The following PTPN13 variants were observed in gnomAD, a reference collection of about 807,000 sequenced individuals.
PTPN13 encodes tyrosine-protein phosphatase non-receptor type 13.
PTPN13 carries 191 observed loss-of-function variants against 284.0 expected under a neutral mutation model. That is an observed-to-expected ratio of 0.67 (90% CI 0.60 to 0.76). PTPN13 has a LOEUF of 0.76. Ranked by LOEUF, PTPN13 falls within the 30% of genes least tolerant of loss-of-function variation. The pLI is 0.00. For synonymous variants in PTPN13, 986 were observed against 1,022.3 expected (o/e 0.96, Z 0.68); for missense variants, 2,797 against 2,939.9 (o/e 0.95, Z 1.12).
At chr4:86,768,028 C>T in intron 28 of PTPN13, 52 bp downstream of exon 28, 1 of 1,530,066 alleles carries the variant, frequency 6.5e-7, no homozygotes. Flanking sequence ...CTCGCCTATT[C>T]AAAATTTGAT....
At chr4:86,623,039 T>C (rs1478516418) in intron 1 of PTPN13, among the ~76,000 whole-genome samples, 1 of 152,126 alleles carries the variant, frequency 6.6e-6, no homozygotes, top group Non-Finnish European at 1.5e-5. Flanking sequence ...CTTCAAGATA[T>C]TTCCAGAATC....
intron 1 of PTPN13, among the ~76,000 whole-genome samples, chr4:86,598,508 GTATT>G (rs1280508899): frequency 1.3e-5 from 2 of 150,978 alleles, no homozygotes; most frequent in African/African-American, 4.9e-5. Context: ...CAAGCTGACA[GTATT>G]TAGTTTGCTT....
At chr4:86,801,695 G>A (rs1250291139) in intron 42 of PTPN13, among the ~76,000 whole-genome samples, 1 of 151,960 alleles carries the variant, frequency 6.6e-6, no homozygotes, top group Admixed American at 6.6e-5. Context: ...GTTATGAGTT[G>A]GTTATTCAGG....
intron 1 of PTPN13, among the ~76,000 whole-genome samples, chr4:86,628,517 T>C (rs1296922757): frequency 6.7e-6 from 1 of 150,286 alleles, no homozygotes; most frequent in Non-Finnish European, 1.5e-5. Context: ...TTTTTTTTAT[T>C]ATACTCTAAG....
chr4:86,627,371 C>T (rs1201007624), intron 1 of PTPN13, among the ~76,000 whole-genome samples: 1 of 151,974 alleles, frequency 6.6e-6, no homozygotes, highest in East Asian at 1.9e-4. Flanking sequence ...AACAAATTTA[C>T]CATTTATTAT....
At chr4:86,720,402 C>A (rs1346981798) in intron 9 of PTPN13, among the ~76,000 whole-genome samples, 1 of 151,744 alleles carries the variant, frequency 6.6e-6, no homozygotes, top group Non-Finnish European at 1.5e-5. Flanking sequence ...TCTTTTTTTT[C>A]ATACTTCATG....
intron 46 of PTPN13, 74 bp from the exon 47 acceptor site, chr4:86,810,972 C>G (rs1165117868): frequency 1.3e-5 from 18 of 1,418,408 alleles, no homozygotes; most frequent in Middle Eastern, 1.8e-4. Flanking sequence ...ACATAAGCCT[C>G]CCCTCTGTGA....
chr4:86,780,514 G>A (rs758239153), intron 36 of PTPN13, 42 bp downstream of exon 36: 1 of 1,345,472 alleles, frequency 7.4e-7, no homozygotes, highest in Non-Finnish European at 1.1e-6. Flanking sequence ...TACGGTAATG[G>A]GAATGTAAAA....
At chr4:86,622,622 A>G (rs1356971337) in intron 1 of PTPN13, among the ~76,000 whole-genome samples, 1 of 152,204 alleles carries the variant, frequency 6.6e-6, no homozygotes, top group East Asian at 1.9e-4. Context: ...AATGCTATTT[A>G]AAAGCCAAAC....
chr4:86,800,787 G>A (rs1021106575), intron 42 of PTPN13, among the ~76,000 whole-genome samples: 1 of 152,216 alleles, frequency 6.6e-6, no homozygotes. Context: ...TGGCTAGACT[G>A]TTGGTATGTG....
Position 86,775,159 on chromosome 4 carries a change from T to G in PTPN13, c.5509-12T>G. On this transcript the variant is annotated splice_polypyrimidine_tract_variant and intron_variant, in intron 33 of 47. Transcript: ENST00000411767. ...ATTGTGATCTTCACATGCCCCTTTCTTGTTTTTGTAGGTTAATGATACAGA... is the reference window on the plus strand; with the variant it reads ...ATTGTGATCTTCACATGCCCCTTTCGTGTTTTTGTAGGTTAATGATACAGA... 1 of 1,567,950 alleles carries G rather than the reference T, an allele frequency of 6.4e-7. No homozygotes were observed. The highest frequency in any genetic ancestry group is 8.6e-7 in the Non-Finnish European group (1 of 1,160,940).
intron 15 of PTPN13, among the ~76,000 whole-genome samples, chr4:86,737,627 A>C (rs1578536725): frequency 6.6e-6 from 1 of 150,550 alleles, no homozygotes. Context: ...ATCCTTAGCA[A>C]CTACTGATCT....
At chr4:86,761,925 A>G (rs1422441173) in intron 23 of PTPN13, among the ~76,000 whole-genome samples, 2 of 152,030 alleles carry the variant, frequency 1.3e-5, no homozygotes, top group Non-Finnish European at 1.5e-5. Context: ...TAATTCCTTT[A>G]CACGTGTCTT....
chr4:86,623,013 A>C (rs760490506), intron 1 of PTPN13, among the ~76,000 whole-genome samples: 1 of 152,152 alleles, frequency 6.6e-6, no homozygotes, highest in Non-Finnish European at 1.5e-5. Context: ...ATATCAACAA[A>C]AACTTTTGGC....
At chr4:86,734,674 A>G (rs1735296302) in intron 13 of PTPN13, 63 bp from the exon 14 acceptor site, 1 of 1,547,120 alleles carries the variant, frequency 6.5e-7, no homozygotes, top group Non-Finnish European at 8.8e-7. Flanking sequence ...CATGCCTATA[A>G]TAAAAACCAC....
intron 1 of PTPN13, among the ~76,000 whole-genome samples, chr4:86,601,787 A>G (rs544922091): frequency 8.5e-5 from 13 of 152,166 alleles, no homozygotes; most frequent in Admixed American, 7.9e-4. Context: ...GTGAGCCACA[A>G]TGTTTGAGGA....
At chr4:86,689,318 C>A (rs1578419499) in intron 5 of PTPN13, 128 bp downstream of exon 5, 1 of 715,570 alleles carries the variant, frequency 1.4e-6, no homozygotes, top group East Asian at 2.7e-5. Flanking sequence ...AATTGAATTT[C>A]TTCTTCTAAT....
chr4:86,691,306 G>A (rs550415558), intron 5 of PTPN13, among the ~76,000 whole-genome samples: 1 of 152,218 alleles, frequency 6.6e-6, no homozygotes, highest in East Asian at 1.9e-4. Flanking sequence ...GCAGAGGGAA[G>A]TGAACCTGGA....
chr4:86,759,130 T>C (rs1295214445), intron 23 of PTPN13, 57 bp downstream of exon 23: 35 of 1,546,676 alleles, frequency 2.3e-5, no homozygotes, highest in Non-Finnish European at 2.9e-5. Context: ...CTCATTCCTT[T>C]TTAGTGATAT....
Sources: gnomAD v4.1 joint callset for allele counts (sites outside exome capture counted in the v4.1 genomes callset) on GRCh38, gnomAD v4.1.1 for gene constraint, MANE v1.5 for transcripts, NCBI Gene and HGNC (gene_info 2026-07-23, HGNC 2026-07-21) for gene names.